The following COL27A1 variants were observed in gnomAD, a reference collection of about 807,000 sequenced individuals.
COL27A1 encodes the protein collagen alpha-1(XXVII) chain.
In COL27A1, 106 loss-of-function variants were observed where a neutral mutation model predicts 251.3. The observed-to-expected ratio is 0.42, with a 90% CI of 0.36 to 0.50. The LOEUF is 0.50. Among genes scored for constraint, COL27A1 ranks in the 20% least tolerant of loss-of-function variants. The probability of loss-of-function intolerance (pLI) is 0.00; values close to 1 mark genes in which losing one functional copy is unlikely to be tolerated. For missense variants in COL27A1, 2,325 were observed against 2,522.8 expected (o/e 0.92, Z 1.68); for synonymous variants, 1,000 against 986.3 (o/e 1.01, Z -0.26).
At chr9:114,173,676 C>G (rs79613219) in intron 3 of COL27A1, among the ~76,000 whole-genome samples, 1 of 150,306 alleles carries the variant, frequency 6.7e-6, no homozygotes, top group African/African-American at 2.5e-5. Context: ...TTTCCAGGGT[C>G]GTTACATGGA....
At chr9:114,225,834 C>A (rs1267541109) in intron 14 of COL27A1, among the ~76,000 whole-genome samples, 1 of 152,126 alleles carries the variant, frequency 6.6e-6, no homozygotes, top group Non-Finnish European at 1.5e-5. Flanking sequence ...GGAGGAAGGG[C>A]GTGAGAGGAC....
At chr9:114,291,523 C>T (rs183680856) in intron 48 of COL27A1, among the ~76,000 whole-genome samples, 32 of 152,204 alleles carry the variant, frequency 2.1e-4, no homozygotes, top group African/African-American at 6.5e-4. Context: ...CTGAGGCTGG[C>T]GAATCACTTG....
chr9:114,240,609 G>A, intron 21 of COL27A1, 122 bp downstream of exon 21: 1 of 898,396 alleles, frequency 1.1e-6, no homozygotes, highest in Non-Finnish European at 1.7e-6. Flanking sequence ...ACACCACCCA[G>A]GGCTTCCCCA....
chr9:114,306,707 G>C lies in COL27A1; in HGVS notation c.5107+19G>C. ...GTGGATGGTGAGAAGGCTTCCTGCC[G>C]GGGGTGGGTGCGCCTGGCGGTGGGG... On this transcript the variant is annotated intron_variant, in intron 58 of 60. Transcript: ENST00000356083. 1 of 1,607,332 alleles carries C rather than the reference G, an allele frequency of 6.2e-7. No individual in the cohort carries two copies. The highest frequency in any genetic ancestry group is 1.3e-5 in the African/African-American group (1 of 74,690).
At chr9:114,167,573 G>C in intron 2 of COL27A1, 116 bp from the exon 3 acceptor site, 1 of 840,996 alleles carries the variant, frequency 1.2e-6, no homozygotes, top group South Asian at 1.6e-5. Context: ...AATGAACAAA[G>C]GACCAGGTAG....
At chr9:114,267,140 G>A (rs1172081134) in intron 33 of COL27A1, among the ~76,000 whole-genome samples, 3 of 152,226 alleles carry the variant, frequency 2.0e-5, no homozygotes, top group Admixed American at 6.5e-5. Flanking sequence ...GTAGAGAGAA[G>A]GGTTAGAATC....
intron 17 of COL27A1, among the ~76,000 whole-genome samples, chr9:114,236,172 CT>C (rs1272165376): frequency 1.3e-5 from 2 of 152,140 alleles, no homozygotes; most frequent in Non-Finnish European, 2.9e-5. Context: ...GCTCAGAGCC[CT>C]TTTTCCCCAC....
At chr9:114,206,382 GC>G (rs1424710746) in intron 10 of COL27A1, 86 bp downstream of exon 10, 19 of 1,392,854 alleles carry the variant, frequency 1.4e-5, no homozygotes, top group Non-Finnish European at 1.8e-5. Flanking sequence ...GGAGGTCAGA[GC>G]TATAAGGAGA....
At position 114,168,834 on chromosome 9, in the gene COL27A1, C is replaced by T; in HGVS notation, c.1279C>T (p.Gln427Ter). 1.2e-6 allele frequency: 2 copies of T among 1,614,092 alleles called. No individual in the cohort carries two copies. Among genetic ancestry groups the T allele is most frequent in the Non-Finnish European group, 8.5e-7 (1 of 1,180,032 alleles). Reference sequence around the variant, plus strand: ...CTCCCGTCCCGCAGAGAAGCCCATCCAGAGGAACCCGGGAATGCCCAGGCC... The same window carrying T: ...CTCCCGTCCCGCAGAGAAGCCCATCTAGAGGAACCCGGGAATGCCCAGGCC... Reference protein sequence around the residue: ...RVSRPAEKPIQRNPGMPRPPP... With the variant: ...RVSRPAEKPI The change falls in exon 3 of 61, where the codon CAG (glutamine) becomes TAG (stop). Residue 427 changes from glutamine (Q) to a stop codon, truncating the protein, a stop_gained. Transcript: ENST00000356083. LOFTEE classifies it high-confidence loss of function.
chr9:114,195,841 CT>C (rs1401646171), intron 6 of COL27A1, 117 bp from the exon 7 acceptor site: 2 of 851,884 alleles, frequency 2.3e-6, no homozygotes, highest in Non-Finnish European at 4.0e-6. Context: ...CTCTACTTCT[CT>C]ATGAATCTCA....
intron 6 of COL27A1, among the ~76,000 whole-genome samples, chr9:114,195,625 A>G (rs776892368): frequency 6.6e-6 from 1 of 152,208 alleles, no homozygotes; most frequent in Non-Finnish European, 1.5e-5. Flanking sequence ...GAGATGGCTG[A>G]TTGATATGGG....
intron 7 of COL27A1, among the ~76,000 whole-genome samples, chr9:114,197,781 A>G (rs1013590041): frequency 1.3e-5 from 2 of 152,272 alleles, no homozygotes; most frequent in East Asian, 1.9e-4. Context: ...GGCAAAGCCA[A>G]TTGCTCTGAG....
chr9:114,235,507 G>T lies in COL27A1; in HGVS notation c.2566-92G>T. 1.0e-5 allele frequency: 10 copies of T among 963,206 alleles called. No homozygotes were observed. The South Asian group carries it at 1.2e-4, about 11-fold the overall frequency. 59.7% of individuals were successfully genotyped at this position (963,206 alleles called of 1,614,324 possible). On this transcript the variant is annotated intron_variant, in intron 16 of 60. Transcript: ENST00000356083. ...CGGATCCGACTTGGGAAACAGCCTC[G>T]GCACAGCTGTACCTCGCCAGGGGGT...
chr9:114,237,744 G>A (rs1564508138), intron 19 of COL27A1, 29 bp downstream of exon 19: 1 of 1,595,296 alleles, frequency 6.3e-7, no homozygotes, highest in Non-Finnish European at 8.6e-7. Flanking sequence ...CTCCGTGTCT[G>A]GCTGCTGCTG....
intron 14 of COL27A1, among the ~76,000 whole-genome samples, chr9:114,227,391 A>G (rs1831553383): frequency 6.9e-6 from 1 of 144,240 alleles, no homozygotes. Flanking sequence ...AGACAGATGG[A>G]TGGACAGACC....
chr9:114,270,118 A>G (rs1180562851), intron 35 of COL27A1, among the ~76,000 whole-genome samples: 1 of 152,190 alleles, frequency 6.6e-6, no homozygotes, highest in Non-Finnish European at 1.5e-5. Context: ...GATTCCACCA[A>G]GGAGTTCCAT....
At chr9:114,297,441 A>C (rs141390580) in intron 49 of COL27A1, among the ~76,000 whole-genome samples, 1 of 152,354 alleles carries the variant, frequency 6.6e-6, no homozygotes, top group Non-Finnish European at 1.5e-5. Context: ...AAATATTAGA[A>C]AACCAAATTC....
intron 16 of COL27A1, among the ~76,000 whole-genome samples, chr9:114,233,841 A>T (rs1226557650): frequency 6.6e-6 from 1 of 152,192 alleles, no homozygotes; most frequent in African/African-American, 2.4e-5. Context: ...TTTAGGGGAA[A>T]AAAGAGAGAG....
chr9:114,268,574 G>C (rs1041671815), intron 34 of COL27A1, among the ~76,000 whole-genome samples: 2 of 152,178 alleles, frequency 1.3e-5, no homozygotes, highest in African/African-American at 2.4e-5. Flanking sequence ...CCTGGAACCA[G>C]ACTGCCCAGG....
Sources: allele counts gnomAD v4.1 joint callset (sites outside exome capture counted in the v4.1 genomes callset), GRCh38; gene constraint gnomAD v4.1.1; transcripts MANE v1.5; gene names NCBI Gene and HGNC (gene_info 2026-07-23, HGNC 2026-07-21).